FAM107A: variants seen among roughly 807,000 people sequenced by gnomAD.
The protein encoded by FAM107A is family with sequence similarity 107 member A.
A neutral mutation model predicts 13.7 loss-of-function variants in FAM107A; 19 were observed. The observed-to-expected ratio is 1.38, with a 90% confidence interval of 0.97 to 2.03. The LOEUF is 2.03. Among genes scored for constraint, FAM107A ranks in the 30% most tolerant of loss-of-function variants. FAM107A has a pLI of 0.00. For missense variants in FAM107A, 203 were observed against 184.4 expected, an observed-to-expected ratio of 1.10 and a Z score of -0.58; for synonymous variants, 82 against 74.5, an observed-to-expected ratio of 1.10 and a Z score of -0.52.
chr3:58,605,981 T>A (rs1036732886), intron 1 of FAM107A, among the ~76,000 whole-genome samples: 3 of 152,212 alleles, frequency 2.0e-5, no homozygotes, highest in African/African-American at 7.2e-5. Context: ...TCTGAGTTAA[T>A]CTATGTATTT....
chr3:58,612,348 G>C (rs1037064836), intron 1 of FAM107A, among the ~76,000 whole-genome samples: 1 of 152,168 alleles, frequency 6.6e-6, no homozygotes, highest in African/African-American at 2.4e-5. Flanking sequence ...GGGAGGCTGA[G>C]GGGGGCAGAT....
upstream of FAM107A, among the ~76,000 whole-genome samples, chr3:58,591,875 T>C (rs1466292774): frequency 2.6e-5 from 4 of 152,126 alleles, no homozygotes; most frequent in East Asian, 1.9e-4. This position sits in a 1 kb window ranked among gnomAD's most constrained non-coding sequence, Gnocchi z 4.3. Flanking sequence ...TAAAGACTTA[T>C]TGAGGGAATG....
chr3:58,567,507 T>G, intron 2 of FAM107A, 143 bp from the exon 3 acceptor site: 1 of 923,162 alleles, frequency 1.1e-6, no homozygotes, highest in Non-Finnish European at 1.6e-6. Flanking sequence ...CCCATTACTG[T>G]CCCATTTTAC....
Position 58,569,210 on chromosome 3 carries a change from C to T in FAM107A, c.170+481G>A, listed in dbSNP as rs1237270830. 1.3e-5 allele frequency among the ~76,000 whole-genome samples: 2 copies of T among 152,184 alleles called. No homozygotes were observed. Among genetic ancestry groups the T allele is most frequent in the African/African-American group, 4.8e-5 (2 of 41,452 alleles). ...ACCTCCGGCCTGGCTAACTCCAGTC[C>T]CCCTTCAGGTCATAGCTGAGGCAGC... On this transcript the variant is annotated intron_variant, in intron 2 of 3. Coordinates refer to ENST00000360997, the MANE Select transcript of FAM107A (RefSeq NM_001076778.3). This position sits in a 1 kb window ranked among gnomAD's most constrained non-coding sequence, Gnocchi z 5.7.
chr3:58,577,732 C>G (rs1454754075), upstream of FAM107A: 1 of 985,168 alleles, frequency 1.0e-6, no homozygotes, highest in Non-Finnish European at 1.2e-6. This position sits in a 1 kb window ranked among gnomAD's most constrained non-coding sequence, Gnocchi z 4.9. Context: ...CAGCACTTCC[C>G]CATGGGAGGG....
chr3:58,602,415 C>G (rs1349264383), intron 1 of FAM107A, among the ~76,000 whole-genome samples: 2 of 152,128 alleles, frequency 1.3e-5, no homozygotes, highest in Non-Finnish European at 2.9e-5. Context: ...GTTGAAAGCC[C>G]TACAAACCAG....
At chr3:58,571,605 T>C (rs1258844099) in intron 1 of FAM107A, among the ~76,000 whole-genome samples, 1 of 152,152 alleles carries the variant, frequency 6.6e-6, no homozygotes, top group Admixed American at 6.5e-5. Context: ...CACTCCTTAG[T>C]GTGGGTATTT....
At chr3:58,595,700 GCACA>G (rs151159375) in intron 1 of FAM107A, among the ~76,000 whole-genome samples, 3 of 150,868 alleles carry the variant, frequency 2.0e-5, no homozygotes, top group South Asian at 2.1e-4. Context: ...CTTGTTGCGT[GCACA>G]CACACACACA....
chr3:58,593,638 C>T (rs1473282222), intron 1 of FAM107A, among the ~76,000 whole-genome samples: 2 of 151,846 alleles, frequency 1.3e-5, no homozygotes, highest in South Asian at 2.1e-4. Context: ...CAGTCGCTCC[C>T]TACCCTTCCC....
At position 58,567,309 on chromosome 3, in the gene FAM107A, G is replaced by A. The variant is rs754252351; in HGVS notation, c.226C>T (p.Arg76Trp). ...ELQRVLEHRR[R>W]NQLIKKKKEE... ...TTCTTCTTCTTGATGAGCTGGTTCC[G>A]CCGGCGGTGCTCTAGGACACGCTGC... The change falls in exon 3 of 4, where the codon CGG becomes TGG. Residue 76 changes from arginine to tryptophan, a missense_variant. Transcript: ENST00000360997. 1.8e-5 allele frequency: 29 copies of A among 1,612,628 alleles called. No individual in the cohort carries two copies. Among genetic ancestry groups the A allele is most frequent in the African/African-American group, 1.3e-4 (10 of 74,850 alleles).
upstream of FAM107A, among the ~76,000 whole-genome samples, chr3:58,579,243 G>C (rs1559478659): frequency 6.6e-6 from 1 of 152,120 alleles, no homozygotes; most frequent in Non-Finnish European, 1.5e-5. Context: ...GTGATGTAAA[G>C]GCAGGCTGGG....
In FAM107A at chr3:58,566,384, G is replaced by A. The variant is rs2063621122; in HGVS notation, c.*204C>T. 1 of 565,266 alleles carries A rather than the reference G, an allele frequency of 1.8e-6. No individual in the cohort carries two copies. Among genetic ancestry groups the A allele is most frequent in the African/African-American group, 1.9e-5 (1 of 53,224 alleles). 35.0% of individuals were successfully genotyped at this position (565,266 alleles called of 1,614,324 possible). A position where few individuals can be genotyped will look rare whatever the true frequency, so the allele number is the denominator to read the frequency against. On this transcript the variant is annotated 3_prime_UTR_variant, in exon 4 of 4. Transcript: ENST00000360997. The stretch of plus-strand genomic sequence containing the variant: ...TTATCCCTCTTGGAGCAGGAGGGCT[G>A]GGTGCTTGGAAGGAAAACCTAGGAG...
chr3:58,606,218 C>G (rs1293026162), intron 1 of FAM107A, among the ~76,000 whole-genome samples: 1 of 152,234 alleles, frequency 6.6e-6, no homozygotes, highest in African/African-American at 2.4e-5. Context: ...GCCTCAGCCT[C>G]CCAAGTAGCT....
rs928754301 is a variant in FAM107A at position 58,569,442 on chromosome 3, C to A, written c.170+249G>T. On this transcript the variant is annotated intron_variant, in intron 2 of 3. Transcript: ENST00000360997. This position sits in a 1 kb window ranked among gnomAD's most constrained non-coding sequence, Gnocchi z 5.7. The stretch of plus-strand genomic sequence containing the variant: ...CATAGTAGGTACTCAGTAAATGTAT[C>A]TGGAGTGTGGGCATGAAATGGGTGG... Among the ~76,000 whole-genome samples, 1 of 152,180 alleles carries A rather than the reference C, an allele frequency of 6.6e-6. No homozygotes were observed. Among genetic ancestry groups the A allele is most frequent in the Admixed American group, 6.5e-5 (1 of 15,280 alleles).
intron 1 of FAM107A, among the ~76,000 whole-genome samples, chr3:58,622,281 A>T (rs1004648571): frequency 1.3e-5 from 2 of 152,192 alleles, no homozygotes; most frequent in African/African-American, 4.8e-5. Flanking sequence ...TCTACTAAAA[A>T]TACAAAAAAA....
rs781757475 is a variant in FAM107A at position 58,566,662 on chromosome 3, C to T, written c.361G>A (p.Ala121Thr). 8.1e-6 allele frequency: 13 copies of T among 1,613,824 alleles called. No individual in the cohort carries two copies. The highest frequency in any genetic ancestry group is 6.7e-5 in the East Asian group (3 of 44,886). Residue 121 changes from alanine to threonine, a missense_variant, in exon 4 of 4, where the codon GCC (alanine) becomes ACC (threonine). Physicochemically the swap from Ala to Thr is moderately conservative, Grantham distance 58 (BLOSUM62 0). Coordinates refer to ENST00000360997, the MANE Select transcript of FAM107A (RefSeq NM_001076778.3). ...TCCCTGACTTTAATAAACTCGGGGG[C>T]GTGATCCTCTTCCTTCTCTGGTGGT... Reference protein sequence around the residue: ...EKPPEKEEDHAPEFIKVRENL... With the variant: ...EKPPEKEEDHTPEFIKVRENL...
At chr3:58,616,154 G>T (rs531969511) in intron 1 of FAM107A, among the ~76,000 whole-genome samples, 1 of 152,190 alleles carries the variant, frequency 6.6e-6, no homozygotes, top group East Asian at 1.9e-4. Flanking sequence ...GAGAGAAGAG[G>T]GGATCAGATT....
Position 58,604,293 on chromosome 3 carries a change from C to T in FAM107A, c.-69-15024G>A, listed in dbSNP as rs1024206351. 6.6e-6 allele frequency among the ~76,000 whole-genome samples: 1 copy of T among 152,116 alleles called. No individual in the cohort carries two copies. The highest frequency in any genetic ancestry group is 6.5e-5 in the Admixed American group (1 of 15,272). On this transcript the variant is annotated intron_variant, in intron 1 of 3. Coordinates refer to the FAM107A transcript ENST00000465970. This position sits in a 1 kb window ranked among gnomAD's most constrained non-coding sequence, Gnocchi z 4.1. ...TGGGAGAGTGACATCCCAACTCGTGCTCCCTCCAGAGCATTAAACGCAGAT... is the reference window on the plus strand; with the variant it reads ...TGGGAGAGTGACATCCCAACTCGTGTTCCCTCCAGAGCATTAAACGCAGAT...
intron 1 of FAM107A, among the ~76,000 whole-genome samples, chr3:58,612,344 C>G (rs550649419): frequency 6.6e-6 from 1 of 152,050 alleles, no homozygotes. Flanking sequence ...TTTTGGGAGG[C>G]TGAGGGGGGC....
Sources: allele counts gnomAD v4.1 joint callset (sites outside exome capture counted in the v4.1 genomes callset), GRCh38; gene constraint gnomAD v4.1.1; non-coding constraint Gnocchi (gnomAD v3.1); transcripts MANE v1.5; gene names NCBI Gene and HGNC (gene_info 2026-07-23, HGNC 2026-07-21).